The following LOC400499 variants were observed in gnomAD, a reference collection of about 807,000 sequenced individuals.
At chr16:11,463,465 G>A in the LOC400499 span, among the ~76,000 whole-genome samples, 3 of 147,652 alleles carry the variant, frequency 2.0e-5, no homozygotes, top group African/African-American at 7.4e-5. Flanking sequence ...TGTGTATACA[G>A]ACGTGTATGT....
chr16:11,384,121 A>G, the LOC400499 span: 7,803 of 1,220,834 alleles, frequency 6.4e-3, 111 homozygotes, highest in Middle Eastern at 0.042. Flanking sequence ...AGTCCTCTGC[A>G]GAGCCATCAG....
the LOC400499 span, chr16:11,447,830 G>T: frequency 5.0e-6 from 7 of 1,400,150 alleles, no homozygotes; most frequent in Non-Finnish European, 2.8e-6. Flanking sequence ...GGTCAGCAGA[G>T]ATTCTCCAGG....
chr16:11,487,968 T>G, the LOC400499 span, among the ~76,000 whole-genome samples: 1 of 151,924 alleles, frequency 6.6e-6, no homozygotes. Flanking sequence ...AATACAAAAA[T>G]TAGCCGGGCA....
chr16:11,500,768 G>C, the LOC400499 span: 1 of 398,938 alleles, frequency 2.5e-6, no homozygotes, highest in African/African-American at 2.1e-5. Flanking sequence ...CACGGAGGGA[G>C]GACACCGGGG....
the LOC400499 span, among the ~76,000 whole-genome samples, chr16:11,495,444 TATCTAGGCCCACTGC>T: frequency 1.0e-4 from 15 of 150,048 alleles, no homozygotes; most frequent in Admixed American, 8.7e-4. Context: ...GCAGTGGCCC[TATCTAGGCCCACTGC>T]AACCTCCACC....
At chr16:11,391,078 G>A in the LOC400499 span, among the ~76,000 whole-genome samples, 1 of 152,256 alleles carries the variant, frequency 6.6e-6, no homozygotes, top group African/African-American at 2.4e-5. Context: ...CATTCCTCCT[G>A]ATTCACTGCC....
chr16:11,459,390 GT>G, the LOC400499 span, among the ~76,000 whole-genome samples: 1 of 151,770 alleles, frequency 6.6e-6, no homozygotes, highest in African/African-American at 2.4e-5. Context: ...TAGAGACGGT[GT>G]TTCGCCGTGT....
chr16:11,420,455 GA>G, the LOC400499 span, among the ~76,000 whole-genome samples: 89 of 104,596 alleles, frequency 8.5e-4, no homozygotes, highest in African/African-American at 3.1e-3. Context: ...GGGGTGGGGG[GA>G]GGGGGGAGGG....
chr16:11,379,264 T>G, the LOC400499 span, among the ~76,000 whole-genome samples: 1 of 152,118 alleles, frequency 6.6e-6, no homozygotes. Flanking sequence ...ATAAAAAAAG[T>G]GAGGTGAAGT....
chr16:11,484,127 C>G, the LOC400499 span, among the ~76,000 whole-genome samples: 1 of 150,704 alleles, frequency 6.6e-6, no homozygotes, highest in Non-Finnish European at 1.5e-5. Flanking sequence ...CCTGCCTCAG[C>G]CTCCCAAGCA....
chr16:11,416,500 T>C, the LOC400499 span, among the ~76,000 whole-genome samples: 7,094 of 152,220 alleles, frequency 0.047, 563 homozygotes, highest in African/African-American at 0.16. Flanking sequence ...GGCTCGTTCA[T>C]GCACCCATTC....
the LOC400499 span, among the ~76,000 whole-genome samples, chr16:11,445,803 C>CA: frequency 1.3e-5 from 2 of 150,540 alleles, no homozygotes; most frequent in African/African-American, 4.9e-5. Context: ...TAGGGAGGAC[C>CA]AAATGAAACA....
At chr16:11,385,244 G>A in the LOC400499 span, 7 of 1,232,176 alleles carry the variant, frequency 5.7e-6, no homozygotes, top group Non-Finnish European at 7.1e-6. Context: ...GGGTCTTGTG[G>A]TTAAGTTCCA....
chr16:11,493,804 G>T, the LOC400499 span: 4 of 371,898 alleles, frequency 1.1e-5, no homozygotes, highest in Non-Finnish European at 1.9e-5. Context: ...GAGCTAAATC[G>T]AGATGGAGGT....
chr16:11,475,377 A>G, the LOC400499 span, among the ~76,000 whole-genome samples: 1 of 152,364 alleles, frequency 6.6e-6, no homozygotes, highest in South Asian at 2.1e-4. Flanking sequence ...TTTCAGAATC[A>G]TCTCTGAAAA....
chr16:11,441,466 A>G, the LOC400499 span, among the ~76,000 whole-genome samples: 1 of 152,214 alleles, frequency 6.6e-6, no homozygotes, highest in Non-Finnish European at 1.5e-5. Flanking sequence ...CCCAAGGTCA[A>G]AGCTGTGCTA....
chr16:11,381,674 G>A, the LOC400499 span, among the ~76,000 whole-genome samples: 1 of 151,518 alleles, frequency 6.6e-6, no homozygotes, highest in East Asian at 1.9e-4. Context: ...GATCAGTGCT[G>A]AGAGGCTTTT....
At chr16:11,514,072 G>C in the LOC400499 span, among the ~76,000 whole-genome samples, 1 of 152,170 alleles carries the variant, frequency 6.6e-6, no homozygotes, top group African/African-American at 2.4e-5. Context: ...TGGGCAGACT[G>C]AGGGGTCACT....
At chr16:11,446,386 G>C in the LOC400499 span, among the ~76,000 whole-genome samples, 1 of 151,998 alleles carries the variant, frequency 6.6e-6, no homozygotes, top group Non-Finnish European at 1.5e-5. Flanking sequence ...TCAAACTCCT[G>C]GTCTTAAGCG....
Sources: allele counts gnomAD v4.1 joint callset (sites outside exome capture counted in the v4.1 genomes callset), GRCh38; gene constraint gnomAD v4.1.1; transcripts MANE v1.5.